PTPRT: variants seen among roughly 807,000 people sequenced by gnomAD.
The protein encoded by PTPRT is protein tyrosine phosphatase receptor type T, also known as receptor-type tyrosine-protein phosphatase T.
A neutral mutation model predicts 176.8 loss-of-function variants in PTPRT; 56 were observed. The observed-to-expected ratio is 0.32, with a 90% confidence interval of 0.26 to 0.40. The LOEUF (loss-of-function observed/expected upper bound fraction) is 0.40. Among genes scored for constraint, PTPRT ranks in the 10% least tolerant of loss-of-function variants. PTPRT has a pLI of 1.00. For missense variants in PTPRT, 1,540 were observed against 1,908.2 expected (o/e 0.81, Z 3.60); for synonymous variants, 783 against 739.0 (o/e 1.06, Z -0.96).
chr20:42,032,131 G>A, the PTPRT span, among the ~76,000 whole-genome samples: 1 of 151,954 alleles, frequency 6.6e-6, no homozygotes. Flanking sequence ...ACTGGAATTT[G>A]ACTCAGTGAA....
chr20:42,126,253 G>C (rs74457710), intron 19 of PTPRT, among the ~76,000 whole-genome samples: 1,571 of 152,264 alleles, frequency 0.01, 28 homozygotes, highest in African/African-American at 0.035. Context: ...AGGACCCCAA[G>C]AGTGACTCAT....
rs146065928 is a variant in PTPRT at position 42,487,935 on chromosome 20, C to T, written c.1154-15373G>A. The stretch of plus-strand genomic sequence containing the variant: ...TATGTTTTATACACTGTCTTCTGCC[C>T]GAATGAGTTCTTGTAAAATACATGT... On this transcript the variant is annotated intron_variant, in intron 7 of 30. Coordinates refer to ENST00000373187, the MANE Select transcript of PTPRT (RefSeq NM_007050.6). Among the ~76,000 whole-genome samples the T allele has an allele frequency of 7.0e-3, 1,071 of 152,246 alleles. 12 individuals are homozygous for T. The highest frequency in any genetic ancestry group is 0.024 in the African/African-American group (1,007 of 41,526).
intron 1 of PTPRT, among the ~76,000 whole-genome samples, chr20:42,949,555 T>A (rs1280902492): frequency 6.6e-6 from 1 of 152,214 alleles, no homozygotes; most frequent in Non-Finnish European, 1.5e-5. Context: ...TTATATGGAT[T>A]CATTTGAGCT....
intron 11 of PTPRT, among the ~76,000 whole-genome samples, chr20:42,344,184 G>A (rs544669861): frequency 2.2e-4 from 33 of 152,304 alleles, no homozygotes; most frequent in Admixed American, 4.6e-4. Context: ...ACAGACATGA[G>A]GCATCAGGCC....
chr20:42,291,709 TGC>T (rs2057318997), intron 12 of PTPRT, among the ~76,000 whole-genome samples: 3 of 151,992 alleles, frequency 2.0e-5, no homozygotes, highest in Admixed American at 6.6e-5. Flanking sequence ...AGTGGGAAAA[TGC>T]ATGGTGCTGT....
chr20:42,808,117 C>T (rs796543005), intron 2 of PTPRT, among the ~76,000 whole-genome samples: 2 of 152,208 alleles, frequency 1.3e-5, no homozygotes, highest in Non-Finnish European at 2.9e-5. Flanking sequence ...GTTGCAGACT[C>T]GGACGGGCCA....
chr20:42,309,359 G>T (rs373720758), intron 12 of PTPRT, among the ~76,000 whole-genome samples: 11 of 152,090 alleles, frequency 7.2e-5, no homozygotes, highest in Admixed American at 7.2e-4. Flanking sequence ...GCACCCACCC[G>T]CTGTTTAGAA....
chr20:42,856,742 C>T (rs183262384), intron 2 of PTPRT, among the ~76,000 whole-genome samples: 26 of 152,062 alleles, frequency 1.7e-4, no homozygotes, highest in South Asian at 1.0e-3. Flanking sequence ...ATCTAGTCAT[C>T]GTCAATGACA....
chr20:42,187,202 T>A (rs6030037), intron 16 of PTPRT, among the ~76,000 whole-genome samples: 53,196 of 151,990 alleles, frequency 0.35, 9,640 homozygotes, highest in East Asian at 0.38. Context: ...GTGTTCCCTA[T>A]TTCATGGGCT....
chr20:42,611,536 A>G (rs1380440405), intron 7 of PTPRT, among the ~76,000 whole-genome samples: 1 of 151,352 alleles, frequency 6.6e-6, no homozygotes, highest in African/African-American at 2.5e-5. Flanking sequence ...GGTTTGCCTG[A>G]CACCTCTCCC....
intron 1 of PTPRT, among the ~76,000 whole-genome samples, chr20:43,069,941 A>T (rs902642620): frequency 2.0e-5 from 3 of 152,176 alleles, no homozygotes; most frequent in African/African-American, 7.2e-5. Flanking sequence ...ACGGGCTCCT[A>T]TAAGGCAGGT....
chr20:42,744,596 T>C (rs2076663746), intron 6 of PTPRT, among the ~76,000 whole-genome samples: 1 of 151,888 alleles, frequency 6.6e-6, no homozygotes, highest in Non-Finnish European at 1.5e-5. Context: ...AAAATACTAA[T>C]TGCTGTAACA....
intron 9 of PTPRT, among the ~76,000 whole-genome samples, chr20:42,381,100 G>A (rs1175089289): frequency 6.6e-6 from 1 of 152,132 alleles, no homozygotes. Flanking sequence ...GGTGTTAAAC[G>A]ATGAGAAACT....
At chr20:42,058,563 A>G in the PTPRT span, among the ~76,000 whole-genome samples, 1 of 152,064 alleles carries the variant, frequency 6.6e-6, no homozygotes, top group South Asian at 2.1e-4. Context: ...CTCCTTCACC[A>G]TCTCAGCTGA....
At chr20:42,296,709 C>A (rs2057393102) in intron 12 of PTPRT, among the ~76,000 whole-genome samples, 1 of 152,068 alleles carries the variant, frequency 6.6e-6, no homozygotes, top group East Asian at 1.9e-4. Context: ...CAAGACAAGA[C>A]CCAACTACCT....
At chr20:42,386,205 C>A (rs2058742618) in intron 9 of PTPRT, among the ~76,000 whole-genome samples, 1 of 152,068 alleles carries the variant, frequency 6.6e-6, no homozygotes, top group Non-Finnish European at 1.5e-5. Context: ...AGAAATGGGG[C>A]TGGAGAGGTG....
Position 42,729,965 on chromosome 20 carries a change from C to T in PTPRT, c.859+26497G>A, listed in dbSNP as rs141232241. The stretch of plus-strand genomic sequence containing the variant: ...GGATGATAACCTCTGCCATATGCCA[C>T]GCACTGTGCTATGAGCCCAGCATAC... On this transcript the variant is annotated intron_variant, in intron 6 of 30. Coordinates refer to ENST00000373187, the MANE Select transcript of PTPRT (RefSeq NM_007050.6). 7.7e-3 allele frequency among the ~76,000 whole-genome samples: 1,172 copies of T among 152,258 alleles called. 7 individuals carry two copies. Among genetic ancestry groups the T allele is most frequent in the Admixed American group, 0.013 (204 of 15,298 alleles).
chr20:42,257,091 C>G (rs1329185604), intron 13 of PTPRT, among the ~76,000 whole-genome samples: 1 of 152,184 alleles, frequency 6.6e-6, no homozygotes, highest in African/African-American at 2.4e-5. Context: ...GGTTGTGACA[C>G]CAAATGGGCC....
intron 9 of PTPRT, among the ~76,000 whole-genome samples, chr20:42,376,211 T>C (rs1009597954): frequency 6.6e-6 from 1 of 152,160 alleles, no homozygotes; most frequent in Non-Finnish European, 1.5e-5. Flanking sequence ...ATAGCAATCC[T>C]ATGTTCCCAC....
Sources: gnomAD v4.1 joint callset for allele counts (sites outside exome capture counted in the v4.1 genomes callset) on GRCh38, gnomAD v4.1.1 for gene constraint, MANE v1.5 for transcripts, NCBI Gene and HGNC (gene_info 2026-07-23, HGNC 2026-07-21) for gene names.